Variants in DUS4L observed in about 807,000 individuals in gnomAD.
DUS4L encodes tRNA-dihydrouridine(20a/20b) synthase [NAD(P)+]-like.
DUS4L carries 31 observed loss-of-function variants against 33.8 expected under a neutral mutation model. That is an observed-to-expected ratio of 0.92 (90% CI 0.69 to 1.24). The LOEUF is 1.24. DUS4L is among the 50% of genes most tolerant of loss of function. The pLI, the probability that DUS4L is intolerant of heterozygous loss-of-function variation, is 0.00. For synonymous variants in DUS4L, 103 were observed against 120.3 expected, an observed-to-expected ratio of 0.86 and a Z score of 0.94; for missense variants, 368 against 388.6, an observed-to-expected ratio of 0.95 and a Z score of 0.45.
chr7:107,577,390 T>C lies in DUS4L; in HGVS notation c.784T>C (p.Trp262Arg). 6.2e-7 allele frequency: 1 copy of C among 1,614,140 alleles called. No homozygotes were observed. Among genetic ancestry groups the C allele is most frequent in the Non-Finnish European group, 8.5e-7 (1 of 1,180,018 alleles). The part of the protein sequence containing the change: ...GYEETPLKCI[W>R]DWVDIALELG... ...TGAGGAAACCCCACTGAAATGCATC[T>C]GGGACTGGGTTGACATTGCTCTTGA... is the stretch of plus-strand genomic sequence containing the variant. The change falls in exon 8 of 8, where the codon TGG becomes CGG. Residue 262 changes from tryptophan (W) to arginine (R), a missense_variant. Trp to Arg is a moderately radical substitution (Grantham distance 101, BLOSUM62 -3). Transcript: ENST00000265720.
Position 107,563,973 on chromosome 7 carries a change from C to T in DUS4L, c.-347C>T, listed in dbSNP as rs772868659. The T allele has an allele frequency of 1.6e-6, 2 of 1,283,066 alleles. No homozygotes were observed. Among genetic ancestry groups the T allele is most frequent in the African/African-American group, 1.5e-5 (1 of 68,460 alleles). The allele number at this position is 1,283,066 out of a possible 1,614,324, so 79.5% of individuals were successfully genotyped here. ...TGGTGACGCAGAATCCCGGCGCCGC[C>T]CGCCCACCCAGCCCATGGCTCCAGG... On this transcript the variant is annotated 5_prime_UTR_variant, in exon 1 of 8. Coordinates refer to ENST00000265720, the MANE Select transcript of DUS4L (RefSeq NM_181581.3).
At chr7:107,567,809 A>G (rs1804852785) in intron 3 of DUS4L, 1 of 443,236 alleles carries the variant, frequency 2.3e-6, no homozygotes, top group African/African-American at 2.1e-5. Flanking sequence ...TGTTCCTCAC[A>G]GCAGCCCCTG....
chr7:107,570,571 A>G (rs1430837199), intron 3 of DUS4L: 1 of 153,078 alleles, frequency 6.5e-6, no homozygotes, highest in African/African-American at 2.4e-5. Context: ...ACCAGAGATG[A>G]AAGTTTCAGA....
Position 107,577,653 on chromosome 7 carries a change from A to C in DUS4L, c.*93A>C. 7.3e-7 allele frequency: 1 copy of C among 1,366,772 alleles called. No homozygotes were observed. The allele number at this position is 1,366,772 out of a possible 1,614,324, so 84.7% of individuals were successfully genotyped here. On this transcript the variant is annotated 3_prime_UTR_variant, in exon 8 of 8. Coordinates refer to ENST00000265720, the MANE Select transcript of DUS4L (RefSeq NM_181581.3). ...TGTACCTTAAACCAGTAGCTCTCAAATTTTAGTATAAAAACAATTCCTGGG... is the reference window on the plus strand; with the variant it reads ...TGTACCTTAAACCAGTAGCTCTCAACTTTTAGTATAAAAACAATTCCTGGG...
chr7:107,567,013 A>C lies in DUS4L; in HGVS notation c.-21-37A>C, dbSNP rs1804770900. The C allele has an allele frequency of 4.3e-6, 6 of 1,389,232 alleles. No individual in the cohort carries two copies. In the South Asian group the frequency reaches 7.9e-5, roughly 18 times the overall value. The allele number at this position is 1,389,232 out of a possible 1,614,324, so 86.1% of individuals were successfully genotyped here. A position where few individuals can be genotyped will look rare whatever the true frequency, so the allele number is the denominator to read the frequency against. On this transcript the variant is annotated intron_variant, in intron 2 of 7. Coordinates refer to ENST00000265720, the MANE Select transcript of DUS4L (RefSeq NM_181581.3). Reference sequence around the variant, plus strand: ...TTAGAATGGAATTAATATAGTGAAAACATATTTTCTCTATACAAGCTTATT... The same window carrying C: ...TTAGAATGGAATTAATATAGTGAAACCATATTTTCTCTATACAAGCTTATT...
chr7:107,568,572 T>C (rs916759127), intron 3 of DUS4L, among the ~76,000 whole-genome samples: 1 of 152,222 alleles, frequency 6.6e-6, no homozygotes, highest in African/African-American at 2.4e-5. Context: ...ATATATATTC[T>C]GCTTTGTCAG....
chr7:107,564,015 ACT>A lies in DUS4L; in HGVS notation c.-301_-300del, dbSNP rs771093324. On this transcript the variant is annotated 5_prime_UTR_variant, in exon 1 of 8. It removes the in-frame stop codon of an upstream open reading frame in the 5' UTR. Coordinates refer to ENST00000265720, the MANE Select transcript of DUS4L (RefSeq NM_181581.3). ...GGCTCCAGGCCCACCTGGCGAACTGACTCTCAGCCCGCGCCTGGGCTAAGCCT... is the reference window on the plus strand; with the variant it reads ...GGCTCCAGGCCCACCTGGCGAACTGACTCAGCCCGCGCCTGGGCTAAGCCT... 1.3e-6 allele frequency: 2 copies of A among 1,531,210 alleles called. No individual in the cohort carries two copies. Among genetic ancestry groups the A allele is most frequent in the South Asian group, 1.2e-5 (1 of 83,574 alleles). The allele number at this position is 1,531,210 out of a possible 1,614,324, so 94.9% of individuals were successfully genotyped here.
intron 7 of DUS4L, chr7:107,577,048 C>T: frequency 2.5e-6 from 1 of 406,172 alleles, no homozygotes; most frequent in South Asian, 4.2e-5. Flanking sequence ...TCCAGATTTA[C>T]CCTAAAGAAA....
chr7:107,574,849 C>A, intron 5 of DUS4L: 1 of 319,908 alleles, frequency 3.1e-6, no homozygotes, highest in Non-Finnish European at 5.8e-6. Flanking sequence ...CTAATAAAAC[C>A]TCTTGTTATG....
chr7:107,573,642 G>C, intron 4 of DUS4L, 62 bp from the exon 5 acceptor site: 1 of 1,495,020 alleles, frequency 6.7e-7, no homozygotes, highest in Non-Finnish European at 9.0e-7. Context: ...ATTAAAGTTT[G>C]GTGTGTGTGT....
At position 107,578,401 on chromosome 7, in the gene DUS4L, T is replaced by G. The variant is rs1805976252; in HGVS notation, c.*841T>G. ...AAGAATTAAGTATCTCAGACTGAAA[T>G]AAAACCGTTCATAATTAAAGTATTA... On this transcript the variant is annotated 3_prime_UTR_variant, in exon 8 of 8. Coordinates refer to ENST00000265720, the MANE Select transcript of DUS4L (RefSeq NM_181581.3). The G allele has an allele frequency of 6.6e-6, 1 of 152,186 alleles. No homozygotes were observed. Among genetic ancestry groups the G allele is most frequent in the Admixed American group, 6.5e-5 (1 of 15,288 alleles). The allele number at this position is 152,186 out of a possible 1,614,324, so 9.4% of individuals were successfully genotyped here.
At chr7:107,566,527 CGTTT>C (rs544275187) in intron 2 of DUS4L, among the ~76,000 whole-genome samples, 68 of 152,128 alleles carry the variant, frequency 4.5e-4, no homozygotes, top group African/African-American at 1.3e-3. Context: ...AAATAATTAA[CGTTT>C]GTTTATCTTC....
At chr7:107,568,183 C>CT (rs1291958501) in intron 3 of DUS4L, among the ~76,000 whole-genome samples, 7 of 152,108 alleles carry the variant, frequency 4.6e-5, no homozygotes, top group African/African-American at 1.7e-4. Context: ...GCTTTCAATT[C>CT]TTTTTGACTA....
intron 5 of DUS4L, among the ~76,000 whole-genome samples, chr7:107,574,133 C>A (rs1347545252): frequency 1.1e-4 from 17 of 152,092 alleles, no homozygotes; most frequent in Admixed American, 1.1e-3. Context: ...ATGTTTACGG[C>A]AATCCCTAAA....
chr7:107,576,552 A>G lies in DUS4L; in HGVS notation c.666A>G (p.Leu222=). The change falls in exon 7 of 8, where the codon TTA becomes TTG. Residue 222 remains leucine (L), a synonymous_variant. Transcript: ENST00000265720. ...PVIANGDIRS[L]KEAENVWRIT... ...TTGCTAATGGAGACATCAGAAGCTT[A>G]AAGGAAGCAGAAAATGTGTGGCGGA... is the stretch of plus-strand genomic sequence containing the variant. 1 of 1,594,226 alleles carries G rather than the reference A, an allele frequency of 6.3e-7. No homozygotes were observed.
intron 5 of DUS4L, 121 bp from the exon 6 acceptor site, chr7:107,575,067 A>G (rs760781878): frequency 1.7e-4 from 228 of 1,332,020 alleles, no homozygotes; most frequent in Non-Finnish European, 2.2e-4. Flanking sequence ...TGAATTTTTT[A>G]TATCTGCTTC....
rs1481945390 is a variant in DUS4L, at chr7:107,577,331, G to C, written c.725G>C (p.Gly242Ala). 5 of 1,613,926 alleles carry C rather than the reference G, an allele frequency of 3.1e-6. No homozygotes were observed. The highest frequency in any genetic ancestry group is 4.2e-6 in the Non-Finnish European group (5 of 1,180,010). The change falls in exon 8 of 8, where the codon GGA (glycine) becomes GCA (alanine). Residue 242 changes from glycine (G) to alanine (A), a missense_variant. Gly to Ala is a moderately conservative substitution (Grantham distance 60). Coordinates refer to ENST00000265720, the MANE Select transcript of DUS4L (RefSeq NM_181581.3). ...TGTDGVMVARGLLANPAMFAG... is the reference protein window; with the variant it reads ...TGTDGVMVARALLANPAMFAG... ...TTTGTAGGTGTGATGGTTGCAAGAG[G>C]ACTCTTAGCAAACCCGGCCATGTTT...
intron 7 of DUS4L, 197 bp from the exon 8 acceptor site, chr7:107,577,116 A>G (rs753428513): frequency 9.2e-5 from 60 of 650,928 alleles, no homozygotes; most frequent in Middle Eastern, 4.5e-4. Context: ...TTCTGTACGT[A>G]CATTTAAACT....
In DUS4L at chr7:107,576,405, A is replaced by G. The variant is rs999066476; in HGVS notation, c.519A>G (p.Gln173=). 4.3e-6 allele frequency: 7 copies of G among 1,609,930 alleles called. No homozygotes were observed. The highest frequency in any genetic ancestry group is 5.1e-6 in the Non-Finnish European group (6 of 1,179,126). ...TTAAAAGAACTGTAGATCTTTGTCA[A>G]AAGGCTGAAGCAACAGGAGTTTCAT... is the stretch of plus-strand genomic sequence containing the variant. ...DDLKRTVDLC[Q]KAEATGVSWI... The change falls in exon 7 of 8, where the codon CAA becomes CAG. Residue 173 remains glutamine, a synonymous_variant. Transcript: ENST00000265720.
Sources: allele counts gnomAD v4.1 joint callset (sites outside exome capture counted in the v4.1 genomes callset), GRCh38; gene constraint gnomAD v4.1.1; transcripts MANE v1.5; gene names NCBI Gene and HGNC (gene_info 2026-07-23, HGNC 2026-07-21).